PTPRC: variants seen among roughly 807,000 people sequenced by gnomAD.
PTPRC encodes protein tyrosine phosphatase receptor type C.
In PTPRC, 44 loss-of-function variants were observed where a neutral mutation model predicts 155.9. The observed-to-expected ratio is 0.28, with a 90% CI of 0.22 to 0.36. The LOEUF (loss-of-function observed/expected upper bound fraction) is 0.36. PTPRC is among the 10% of genes least tolerant of loss of function. The pLI is 1.00. For synonymous variants in PTPRC, 525 were observed against 533.1 expected, an observed-to-expected ratio of 0.98 and a Z score of 0.21; for missense variants, 1,401 against 1,564.6, an observed-to-expected ratio of 0.90 and a Z score of 1.76.
At chr1:198,740,088 G>A (rs1359924598) in intron 23 of PTPRC, among the ~76,000 whole-genome samples, 1 of 151,620 alleles carries the variant, frequency 6.6e-6, no homozygotes, top group Non-Finnish European at 1.5e-5. Context: ...AGAAAAGTTT[G>A]TAAGAGTAAG....
chr1:198,699,346 C>T (rs1277114157), intron 4 of PTPRC, among the ~76,000 whole-genome samples: 1 of 152,166 alleles, frequency 6.6e-6, no homozygotes, highest in Non-Finnish European at 1.5e-5. Flanking sequence ...TGGCTGCATC[C>T]AGCTCAGGAA....
chr1:198,700,774 A>C (rs1666421753), intron 5 of PTPRC, among the ~76,000 whole-genome samples: 1 of 152,210 alleles, frequency 6.6e-6, no homozygotes, highest in Non-Finnish European at 1.5e-5. Flanking sequence ...ACTGATGAAA[A>C]ATCTATTAGG....
intron 2 of PTPRC, among the ~76,000 whole-genome samples, chr1:198,652,497 A>T (rs1053832326): frequency 1.3e-5 from 2 of 151,894 alleles, no homozygotes; most frequent in African/African-American, 4.8e-5. Context: ...CCAATAAAAG[A>T]TAATAAAAGC....
At chr1:198,740,408 T>C (rs2102509921) in intron 23 of PTPRC, among the ~76,000 whole-genome samples, 1 of 151,790 alleles carries the variant, frequency 6.6e-6, no homozygotes, top group East Asian at 1.9e-4. Context: ...TGAAACCCCG[T>C]CTCTACTAAA....
chr1:198,715,022 A>G (rs969972722), intron 12 of PTPRC, among the ~76,000 whole-genome samples: 48 of 152,182 alleles, frequency 3.2e-4, no homozygotes, highest in African/African-American at 9.2e-4. Flanking sequence ...GGAGATGTGC[A>G]TACATATCTT....
In PTPRC at chr1:198,742,058, A is replaced by G. The variant is rs779042814; in HGVS notation, c.2561+32A>G. The G allele has an allele frequency of 3.1e-6, 5 of 1,607,942 alleles. No homozygotes were observed. The East Asian group carries it at 1.1e-4, about 36-fold the overall frequency. On this transcript the variant is annotated intron_variant, in intron 24 of 32. Transcript: ENST00000442510. Reference sequence around the variant, plus strand: ...AAAACGAACAAAAAAAAAAAACAACAACAAAAAAACTCCAACAGAATCCAC... The same window carrying G: ...AAAACGAACAAAAAAAAAAAACAACGACAAAAAAACTCCAACAGAATCCAC...
chr1:198,662,365 G>T (rs1429719505), intron 2 of PTPRC, among the ~76,000 whole-genome samples: 1 of 151,906 alleles, frequency 6.6e-6, no homozygotes, highest in Non-Finnish European at 1.5e-5. Context: ...TGAGATTACA[G>T]AGCTAATAAG....
At chr1:198,737,527 G>A (rs956799374) in intron 23 of PTPRC, among the ~76,000 whole-genome samples, 8 of 151,412 alleles carry the variant, frequency 5.3e-5, no homozygotes, top group Admixed American at 4.0e-4. Flanking sequence ...CTCTATGTAT[G>A]TTTTTATGCC....
At chr1:198,655,625 G>A (rs113862633) in intron 2 of PTPRC, among the ~76,000 whole-genome samples, 1 of 151,988 alleles carries the variant, frequency 6.6e-6, no homozygotes, top group Admixed American at 6.6e-5. Context: ...TTTAAGCCTG[G>A]TTTCTTTTTC....
intron 2 of PTPRC, among the ~76,000 whole-genome samples, chr1:198,643,514 G>A (rs1662759413): frequency 6.6e-6 from 1 of 151,826 alleles, no homozygotes; most frequent in African/African-American, 2.4e-5. Flanking sequence ...GGATCTAGAT[G>A]TTTACAGTCT....
chr1:198,718,316 CT>C lies in PTPRC; in HGVS notation c.1659+15del. On this transcript the variant is annotated intron_variant, in intron 14 of 32. Coordinates refer to ENST00000442510, the MANE Select transcript of PTPRC (RefSeq NM_002838.5). ...TACACTTTTAAGGTAAAAGTATGCT[CT>C]CTACATTACTATAGTACCAACTACA... 1 of 1,574,490 alleles carries C rather than the reference CT, an allele frequency of 6.4e-7. No homozygotes were observed. Among genetic ancestry groups the C allele is most frequent in the South Asian group, 1.1e-5 (1 of 89,508 alleles).
At chr1:198,644,433 A>C (rs1322198275) in intron 2 of PTPRC, among the ~76,000 whole-genome samples, 1 of 151,924 alleles carries the variant, frequency 6.6e-6, no homozygotes, top group East Asian at 1.9e-4. Flanking sequence ...AAATTATGGC[A>C]ATCACTGGAT....
chr1:198,710,395 A>T (rs1165677735), intron 11 of PTPRC, among the ~76,000 whole-genome samples: 1 of 152,184 alleles, frequency 6.6e-6, no homozygotes, highest in Non-Finnish European at 1.5e-5. Flanking sequence ...CTTTTCCTCA[A>T]GATTGTTTAG....
intron 2 of PTPRC, among the ~76,000 whole-genome samples, chr1:198,678,556 G>C (rs976979139): frequency 6.6e-6 from 1 of 152,066 alleles, no homozygotes; most frequent in Non-Finnish European, 1.5e-5. Context: ...GCTTTTTCCA[G>C]GATTGCTTTT....
intron 2 of PTPRC, among the ~76,000 whole-genome samples, chr1:198,649,597 C>T (rs1663131569): frequency 6.6e-6 from 1 of 151,810 alleles, no homozygotes; most frequent in African/African-American, 2.4e-5. Context: ...CCAGTTTCAT[C>T]ATTGGAGACT....
intron 2 of PTPRC, among the ~76,000 whole-genome samples, chr1:198,683,864 T>A (rs1183320233): frequency 6.6e-6 from 1 of 152,120 alleles, no homozygotes; most frequent in East Asian, 1.9e-4. Context: ...GCAGTTACAT[T>A]GTACAAATGT....
intron 31 of PTPRC, 50 bp from the exon 32 acceptor site, chr1:198,754,219 C>G: frequency 1.3e-6 from 2 of 1,545,986 alleles, no homozygotes; most frequent in Non-Finnish European, 8.9e-7. Flanking sequence ...CTAATATCAC[C>G]CTTTTTGGTG....
At chr1:198,671,065 A>T (rs1410910061) in intron 2 of PTPRC, among the ~76,000 whole-genome samples, 1 of 152,172 alleles carries the variant, frequency 6.6e-6, no homozygotes, top group South Asian at 2.1e-4. Context: ...ATTGTACCTT[A>T]TAAATACTCA....
chr1:198,746,854 C>A (rs908332838), intron 26 of PTPRC, among the ~76,000 whole-genome samples: 3 of 151,818 alleles, frequency 2.0e-5, no homozygotes, highest in African/African-American at 7.2e-5. Flanking sequence ...GTCCTTCATG[C>A]AGCTCATGGT....
Sources: allele counts gnomAD v4.1 joint callset (sites outside exome capture counted in the v4.1 genomes callset), GRCh38; gene constraint gnomAD v4.1.1; transcripts MANE v1.5; gene names NCBI Gene and HGNC (gene_info 2026-07-23, HGNC 2026-07-21).